Variants in SLC1A2 observed in about 807,000 individuals in gnomAD.
SLC1A2 encodes the protein excitatory amino acid transporter 2.
A neutral mutation model predicts 48.8 loss-of-function variants in SLC1A2; 15 were observed. That is an observed-to-expected ratio of 0.31 (90% CI 0.21 to 0.47). The LOEUF (loss-of-function observed/expected upper bound fraction) is 0.47. SLC1A2 is among the 20% of genes least tolerant of loss of function. SLC1A2 has a pLI of 0.99. For missense variants in SLC1A2, 502 were observed against 730.5 expected (o/e 0.69, Z 3.61); for synonymous variants, 279 against 272.6 (o/e 1.02, Z -0.23).
intron 1 of SLC1A2, among the ~76,000 whole-genome samples, chr11:35,397,633 A>C (rs924389202): frequency 2.0e-5 from 3 of 152,222 alleles, no homozygotes; most frequent in Non-Finnish European, 4.4e-5. Context: ...CCTCACCCCC[A>C]TGGTGATGGT....
chr11:35,394,291 G>T (rs1299612103), intron 1 of SLC1A2, among the ~76,000 whole-genome samples: 2 of 151,966 alleles, frequency 1.3e-5, no homozygotes, highest in African/African-American at 4.8e-5. Flanking sequence ...ATCAAAACGG[G>T]TCTCCAAAGC....
At position 35,256,136 on chromosome 11, in the gene SLC1A2, T is replaced by C. The variant is rs990376237; in HGVS notation, c.*4758A>G. 2 of 152,270 alleles carry C rather than the reference T, an allele frequency of 1.3e-5. No homozygotes were observed. The highest frequency in any genetic ancestry group is 4.8e-5 in the African/African-American group (2 of 41,480). 9.4% of individuals were successfully genotyped at this position (152,270 alleles called of 1,614,324 possible). On this transcript the variant is annotated 3_prime_UTR_variant, in exon 11 of 11. Transcript: ENST00000278379. ...TGAGGCTTGGACACAAAATGACTTA[T>C]GTAAGTCATACAGCTAAAAATGGGC...
At chr11:35,378,435 T>A (rs925394541) in intron 1 of SLC1A2, among the ~76,000 whole-genome samples, 6 of 152,240 alleles carry the variant, frequency 3.9e-5, no homozygotes, top group African/African-American at 1.2e-4. Flanking sequence ...TGCTAGCTGG[T>A]CTGAAGCAGT....
In SLC1A2 at chr11:35,258,050, A is replaced by G. The variant is rs1319680963; in HGVS notation, c.*2844T>C. 2 of 152,244 alleles carry G rather than the reference A, an allele frequency of 1.3e-5. No homozygotes were observed. Among genetic ancestry groups the G allele is most frequent in the East Asian group, 3.8e-4 (2 of 5,208 alleles). 9.4% of individuals were successfully genotyped at this position (152,244 alleles called of 1,614,324 possible). ...GATCCATTTGTTCTGTTTATGGCACATATGCTGGGCAAAGAAAATCCCAAA... is the reference window on the plus strand; with the variant it reads ...GATCCATTTGTTCTGTTTATGGCACGTATGCTGGGCAAAGAAAATCCCAAA... On this transcript the variant is annotated 3_prime_UTR_variant, in exon 11 of 11. Coordinates refer to ENST00000278379, the MANE Select transcript of SLC1A2 (RefSeq NM_004171.4).
At chr11:35,401,425 C>A (rs114977679) in intron 1 of SLC1A2, among the ~76,000 whole-genome samples, 1,786 of 152,220 alleles carry the variant, frequency 0.012, 38 homozygotes, top group African/African-American at 0.042. Context: ...TACAAAGAGT[C>A]TTTTTTGTCA....
chr11:35,322,500 C>G lies in SLC1A2; in HGVS notation c.18-4984G>C, dbSNP rs1220948790. On this transcript the variant is annotated intron_variant, in intron 1 of 10. Transcript: ENST00000278379. ...TGGCAACAGAACACTCCCCAGGGAG[C>G]CTAAAAGCAACTGGTGTGTTTCTCC... 6.8e-6 allele frequency: 7 copies of G among 1,032,788 alleles called. No homozygotes were observed. In the South Asian group the frequency reaches 6.9e-5, roughly 10 times the overall value. 64.0% of individuals were successfully genotyped at this position (1,032,788 alleles called of 1,614,324 possible). A position where few individuals can be genotyped will look rare whatever the true frequency, so the allele number is the denominator to read the frequency against.
chr11:35,307,792 G>A (rs949247391), intron 4 of SLC1A2, among the ~76,000 whole-genome samples: 4 of 152,330 alleles, frequency 2.6e-5, no homozygotes, highest in Non-Finnish European at 4.4e-5. Flanking sequence ...ATGCTGAACT[G>A]CCAGTTATTT....
intron 3 of SLC1A2, among the ~76,000 whole-genome samples, chr11:35,314,730 A>T (rs1308172664): frequency 1.3e-5 from 2 of 151,384 alleles, no homozygotes; most frequent in African/African-American, 2.4e-5. Context: ...AAAAAAATTT[A>T]AAACCACTAG....
At chr11:35,291,961 C>T (rs567299079) in intron 7 of SLC1A2, 13 of 261,010 alleles carry the variant, frequency 5.0e-5, no homozygotes, top group Non-Finnish European at 7.3e-5. Flanking sequence ...TATCCTGTTA[C>T]ACTCCCTTTA....
chr11:35,379,866 C>T (rs555531811), intron 1 of SLC1A2, among the ~76,000 whole-genome samples: 1 of 152,350 alleles, frequency 6.6e-6, no homozygotes, highest in Admixed American at 6.5e-5. Context: ...GTCATCCAGA[C>T]ATCCCCAGAG....
At chr11:35,336,159 C>T (rs1439933047) in intron 1 of SLC1A2, among the ~76,000 whole-genome samples, 1 of 133,306 alleles carries the variant, frequency 7.5e-6, no homozygotes, top group African/African-American at 2.8e-5. Flanking sequence ...CACACTGGGC[C>T]TCTCAGGGGG....
chr11:35,267,672 C>G (rs186232268), intron 9 of SLC1A2, among the ~76,000 whole-genome samples: 1 of 152,054 alleles, frequency 6.6e-6, no homozygotes, highest in Non-Finnish European at 1.5e-5. Flanking sequence ...TACTTTGGAG[C>G]TACTCCACTA....
In SLC1A2 at chr11:35,317,508, T is replaced by C; in HGVS notation, c.26A>G (p.Asn9Ser). 6.2e-7 allele frequency: 1 copy of C among 1,613,534 alleles called. No homozygotes were observed. The highest frequency in any genetic ancestry group is 8.5e-7 in the Non-Finnish European group (1 of 1,179,920). The change falls in exon 2 of 11, where the codon AAT (asparagine) becomes AGT (serine). Residue 9 changes from asparagine to serine, a missense_variant. By Grantham distance (46) the Asn-to-Ser change is conservative. This residue lies in a region of SLC1A2 where 89 missense variants were observed against 119.7 expected (regional missense o/e 0.74). Coordinates refer to ENST00000278379, the MANE Select transcript of SLC1A2 (RefSeq NM_004171.4). ...TCGCACTTCCACCTGCTTGGGCATA[T>C]TGTTGGCACTGGAACAGAAGTGAAG... MASTEGAN[N>S]MPKQVEVRMH... is the part of the protein sequence containing the mutation.
At chr11:35,419,896 G>A (rs1161745323), upstream of SLC1A2, 1 of 468,224 alleles carries the variant, frequency 2.1e-6, no homozygotes, top group Non-Finnish European at 4.4e-6. The surrounding 1 kb of genome is among the most constrained non-coding windows in gnomAD (Gnocchi z 5.4). Context: ...ACCCGCTTCA[G>A]CTCACACTCA....
At chr11:35,402,654 C>T (rs142204395) in intron 1 of SLC1A2, among the ~76,000 whole-genome samples, 31 of 152,282 alleles carry the variant, frequency 2.0e-4, no homozygotes, top group African/African-American at 6.5e-4. Flanking sequence ...CCAGAGACAA[C>T]CTGGGACTTG....
upstream of SLC1A2, chr11:35,420,004 G>C: frequency 2.2e-6 from 1 of 458,412 alleles, no homozygotes; most frequent in South Asian, 1.6e-5. Context: ...GGGTGGTGCA[G>C]CCTAAACGCG....
At chr11:35,341,697 G>A (rs1331581719) in intron 1 of SLC1A2, among the ~76,000 whole-genome samples, 1 of 152,154 alleles carries the variant, frequency 6.6e-6, no homozygotes, top group Non-Finnish European at 1.5e-5. Context: ...TGGGTGTTGG[G>A]GGTAAGTTTG....
chr11:35,371,751 C>T (rs1050969080), intron 1 of SLC1A2, among the ~76,000 whole-genome samples: 14 of 152,148 alleles, frequency 9.2e-5, no homozygotes, highest in Non-Finnish European at 1.9e-4. Context: ...CACCTAGGAG[C>T]CCCATACAAA....
chr11:35,362,209 A>G (rs1853707455), intron 1 of SLC1A2, among the ~76,000 whole-genome samples: 1 of 152,174 alleles, frequency 6.6e-6, no homozygotes, highest in Non-Finnish European at 1.5e-5. Flanking sequence ...TCTGCTCTGC[A>G]CAATCCCCGC....
Sources: allele counts gnomAD v4.1 joint callset (sites outside exome capture counted in the v4.1 genomes callset), GRCh38; gene constraint gnomAD v4.1.1; regional missense constraint gnomAD v4.1.1; non-coding constraint Gnocchi (gnomAD v3.1); transcripts MANE v1.5; gene names NCBI Gene and HGNC (gene_info 2026-07-23, HGNC 2026-07-21).